Variants in EHMT2 observed in about 807,000 individuals in gnomAD.
EHMT2 encodes the protein histone-lysine N-methyltransferase EHMT2.
A neutral mutation model predicts 143.3 loss-of-function variants in EHMT2; 59 were observed. The ratio of observed to expected loss-of-function variants is 0.41; its 90% confidence interval spans 0.33 to 0.51. The LOEUF (loss-of-function observed/expected upper bound fraction) is 0.51. Among genes scored for constraint, EHMT2 ranks in the 20% least tolerant of loss-of-function variants. EHMT2 has a pLI of 0.18. For synonymous variants in EHMT2, 604 were observed against 651.5 expected (o/e 0.93, Z 1.11); for missense variants, 1,174 against 1,645.9 (o/e 0.71, Z 4.96).
At chr6:31,895,657 C>T (rs1766313284) in intron 4 of EHMT2, 1 of 151,992 alleles carries the variant, frequency 6.6e-6, no homozygotes, top group African/African-American at 2.4e-5. Flanking sequence ...ACAAAAAAAC[C>T]CCTACTTATA....
chr6:31,883,688 A>C lies in EHMT2; in HGVS notation c.2916+118T>G. On this transcript the variant is annotated intron_variant, in intron 22 of 27. Coordinates refer to ENST00000375537, the Ensembl canonical transcript of EHMT2. This position sits in a 1 kb window ranked among gnomAD's most constrained non-coding sequence, Gnocchi z 5.6. ...CCTGGTGGGGATGCGACCCCACACC[A>C]GGGCTCCCTTTCAGCCAACCCTTCC... The C allele has an allele frequency of 2.1e-6, 3 of 1,421,696 alleles. No homozygotes were observed. The highest frequency in any genetic ancestry group is 2.9e-6 in the Non-Finnish European group (3 of 1,034,186). The allele number at this position is 1,421,696 out of a possible 1,614,324, so 88.1% of individuals were successfully genotyped here. A position where few individuals can be genotyped will look rare whatever the true frequency, so the allele number is the denominator to read the frequency against.
rs1302690949 is a variant in EHMT2 at position 31,887,561 on chromosome 6, A to C, written c.2011+16T>G. On this transcript the variant is annotated intron_variant, in intron 15 of 27. Coordinates refer to ENST00000375537, the Ensembl canonical transcript of EHMT2. ...AAGCTTGGTCAAGGTCTGCTGAAGGAATGGGTGGCACTCACACAGCATCAG... is the reference window on the plus strand; with the variant it reads ...AAGCTTGGTCAAGGTCTGCTGAAGGCATGGGTGGCACTCACACAGCATCAG... 2 of 1,612,210 alleles carry C rather than the reference A, an allele frequency of 1.2e-6. No homozygotes were observed. The highest frequency in any genetic ancestry group is 1.7e-6 in the Non-Finnish European group (2 of 1,179,306).
At position 31,883,509 on chromosome 6, in the gene EHMT2, T is replaced by C. The variant is rs1404064532; in HGVS notation, c.2917-70A>G. 6.8e-7 allele frequency: 1 copy of C among 1,473,440 alleles called. No individual in the cohort carries two copies. The highest frequency in any genetic ancestry group is 9.3e-7 in the Non-Finnish European group (1 of 1,070,516). 91.3% of individuals were successfully genotyped at this position (1,473,440 alleles called of 1,614,324 possible). ...GGGCCCCTCTACTCTTGATGCCCCCTGACCCCCTAACCACTGTCCTTTCTT... is the reference window on the plus strand; with the variant it reads ...GGGCCCCTCTACTCTTGATGCCCCCCGACCCCCTAACCACTGTCCTTTCTT... On this transcript the variant is annotated intron_variant, in intron 22 of 27. Coordinates refer to ENST00000375537, the Ensembl canonical transcript of EHMT2. The surrounding 1 kb of genome is among the most constrained non-coding windows in gnomAD (Gnocchi z 5.6).
At chr6:31,896,125 A>T in intron 4 of EHMT2, 138 bp downstream of exon 4, 1 of 1,251,444 alleles carries the variant, frequency 8.0e-7, no homozygotes, top group Non-Finnish European at 1.1e-6. Flanking sequence ...CAGATCAAGC[A>T]CAGCCTAATA....
In EHMT2 at chr6:31,888,527, TG is replaced by T. The variant is rs1342004567; in HGVS notation, c.1366-22del. On this transcript the variant is annotated intron_variant, in intron 11 of 27. Transcript: ENST00000375537. The surrounding 1 kb of genome is among the most constrained non-coding windows in gnomAD (Gnocchi z 7.4). ...GACAGCTGTGCGCAGTGAGGATGGG[TG>T]AGAAGAGAGCGTGAGGCTGGGGCCG... 4.3e-6 allele frequency: 7 copies of T among 1,610,874 alleles called. No individual in the cohort carries two copies. The highest frequency in any genetic ancestry group is 5.9e-6 in the Non-Finnish European group (7 of 1,179,074).
At chr6:31,893,987 A>T (rs2151653892) in intron 4 of EHMT2, among the ~76,000 whole-genome samples, 1 of 152,118 alleles carries the variant, frequency 6.6e-6, no homozygotes, top group East Asian at 1.9e-4. Context: ...TTTATTTTTA[A>T]ATTTTTAGAT....
At chr6:31,892,412 T>C in exon 7 of EHMT2, 1 of 1,612,760 alleles carries the variant, frequency 6.2e-7, no homozygotes, top group Non-Finnish European at 8.5e-7. Context: ...CTCACCTTGC[T>C]GTCGGAGTCC....
In EHMT2 at chr6:31,884,193, A is replaced by G; in HGVS notation, c.2771+199T>C. 1.4e-6 allele frequency: 1 copy of G among 729,990 alleles called. No individual in the cohort carries two copies. Among genetic ancestry groups the G allele is most frequent in the Non-Finnish European group, 2.2e-6 (1 of 458,704 alleles). The allele number at this position is 729,990 out of a possible 1,614,324, so 45.2% of individuals were successfully genotyped here. Reference sequence around the variant, plus strand: ...AAAAGTATGCATCTGTGCATCTGAAATTCCAGTTTAACTGGGTGTCTTCTA... The same window carrying G: ...AAAAGTATGCATCTGTGCATCTGAAGTTCCAGTTTAACTGGGTGTCTTCTA... On this transcript the variant is annotated intron_variant, in intron 21 of 27. Coordinates refer to ENST00000375537, the Ensembl canonical transcript of EHMT2. The surrounding 1 kb of genome is among the most constrained non-coding windows in gnomAD (Gnocchi z 7.3).
chr6:31,888,800 G>A lies in EHMT2; in HGVS notation c.1217-53C>T. 6.3e-7 allele frequency: 1 copy of A among 1,595,790 alleles called. No homozygotes were observed. The highest frequency in any genetic ancestry group is 1.7e-5 in the Admixed American group (1 of 58,986). On this transcript the variant is annotated intron_variant, in intron 10 of 27. Transcript: ENST00000375537. The surrounding 1 kb of genome is among the most constrained non-coding windows in gnomAD (Gnocchi z 7.4). ...GGAGGCTCTGCACCTCACCTACTGG[G>A]ACCCCTGGCGGGTCCTCTCACTCCC...
Position 31,886,691 on chromosome 6 carries a change from GAC to G in EHMT2, c.2242-11_2242-10del, listed in dbSNP as rs1562488622. The G allele has an allele frequency of 6.2e-7, 1 of 1,614,134 alleles. No homozygotes were observed. Among genetic ancestry groups the G allele is most frequent in the Admixed American group, 1.7e-5 (1 of 60,036 alleles). On this transcript the variant is annotated splice_polypyrimidine_tract_variant and intron_variant, in intron 17 of 27. Transcript: ENST00000375537. ...GTGGAACCGTCCTCCTCCTGAGGGA[GAC>G]ACGGGCAAATGAGCCTTTGGGCTGG...
chr6:31,888,283 G>A lies in EHMT2; in HGVS notation c.1510-7C>T, dbSNP rs749937246. 1 of 1,612,636 alleles carries A rather than the reference G, an allele frequency of 6.2e-7. No homozygotes were observed. Among genetic ancestry groups the A allele is most frequent in the Non-Finnish European group, 8.5e-7 (1 of 1,179,744 alleles). Reference sequence around the variant, plus strand: ...GGCACTCCAGGAAGGTGCCCTGGGAGCAGGGAAACGACATGGTCAGGTTAC... The same window carrying A: ...GGCACTCCAGGAAGGTGCCCTGGGAACAGGGAAACGACATGGTCAGGTTAC... On this transcript the variant is annotated splice_region_variant and splice_polypyrimidine_tract_variant and intron_variant, in intron 12 of 27. Transcript: ENST00000375537. This position sits in a 1 kb window ranked among gnomAD's most constrained non-coding sequence, Gnocchi z 7.4.
chr6:31,893,016 A>G, intron 4 of EHMT2, 106 bp from the exon 5 acceptor site: 1 of 669,932 alleles, frequency 1.5e-6, no homozygotes, highest in Non-Finnish European at 2.5e-6. Context: ...ACACCTCCAA[A>G]TGCCATGTGA....
At chr6:31,885,305 G>T (rs1166075605) in intron 18 of EHMT2, 1 of 299,258 alleles carries the variant, frequency 3.3e-6, no homozygotes, top group Non-Finnish European at 6.2e-6. Context: ...GTGAAACCCT[G>T]TCTCTACTAA....
At chr6:31,892,933 C>G in intron 4 of EHMT2, 23 bp from the exon 5 acceptor site, 1 of 1,526,480 alleles carries the variant, frequency 6.6e-7, no homozygotes, top group Non-Finnish European at 8.8e-7. Context: ...AGGGAGCACA[C>G]TGAGGGTCAG....
In EHMT2 at chr6:31,897,001, G is replaced by A. The variant is rs1358421229; in HGVS notation, c.43-12C>T. On this transcript the variant is annotated splice_polypyrimidine_tract_variant and intron_variant, in intron 1 of 27. Transcript: ENST00000375537. ...GCGGGGGCCTCCCCCTGGGAGGGGA[G>A]ACAAGGGACAGGAGGGCTGGTCAGC... 2.6e-6 allele frequency: 4 copies of A among 1,559,320 alleles called. No homozygotes were observed. Among genetic ancestry groups the A allele is most frequent in the Non-Finnish European group, 3.5e-6 (4 of 1,157,770 alleles).
rs1335138976 is a variant in EHMT2 at position 31,889,998 on chromosome 6, T to C, written c.865-396A>G. Among the ~76,000 whole-genome samples the C allele has an allele frequency of 6.6e-6, 1 of 152,194 alleles. No individual in the cohort carries two copies. The highest frequency in any genetic ancestry group is 2.4e-5 in the African/African-American group (1 of 41,444). On this transcript the variant is annotated intron_variant, in intron 7 of 27. Coordinates refer to ENST00000375537, the Ensembl canonical transcript of EHMT2. The surrounding 1 kb of genome is among the most constrained non-coding windows in gnomAD (Gnocchi z 5.1). ...TCAGGCTGACATCACCTGAACCCAC[T>C]GGTCAATCTTATCACTAACAAGAAA...
exon 3 of EHMT2, chr6:31,896,759 G>C: frequency 6.2e-7 from 1 of 1,613,060 alleles, no homozygotes; most frequent in Non-Finnish European, 8.5e-7. Context: ...GCAGGCTCCA[G>C]GGAGTCGGGG....
intron 4 of EHMT2, 145 bp from the exon 5 acceptor site, chr6:31,893,055 C>G (rs115699278): frequency 5.1e-6 from 3 of 588,858 alleles, no homozygotes; most frequent in Non-Finnish European, 9.0e-6. Flanking sequence ...CTGGCAACCA[C>G]GGGTGCTATT....
At position 31,890,921 on chromosome 6, in the gene EHMT2, TGA is replaced by T. The variant is rs1268878713; in HGVS notation, c.865-1321_865-1320del. 4.0e-5 allele frequency among the ~76,000 whole-genome samples: 6 copies of T among 151,372 alleles called. No individual in the cohort carries two copies. The South Asian group carries it at 8.4e-4, about 21-fold the overall frequency. The stretch of plus-strand genomic sequence containing the variant: ...AAAGAAGATGGGGAAACCTAAATAC[TGA>T]GAGAGACCTAAGACAAAAAAAAATT... On this transcript the variant is annotated intron_variant, in intron 7 of 27. Coordinates refer to ENST00000375537, the Ensembl canonical transcript of EHMT2.
Sources: gnomAD v4.1 joint callset for allele counts (sites outside exome capture counted in the v4.1 genomes callset) on GRCh38, gnomAD v4.1.1 for gene constraint, Gnocchi (gnomAD v3.1) non-coding constraint, MANE v1.5 for transcripts, NCBI Gene and HGNC (gene_info 2026-07-23, HGNC 2026-07-21) for gene names.